ADAMTSL1: variants seen among roughly 807,000 people sequenced by gnomAD.
The protein encoded by ADAMTSL1 is ADAMTS like 1, also known as ADAMTS-like protein 1.
Under a neutral mutation model 201.8 loss-of-function variants are expected in ADAMTSL1, and 126 were observed. The observed-to-expected ratio is 0.62, with a 90% CI of 0.54 to 0.72. The LOEUF is 0.72. Among genes scored for constraint, ADAMTSL1 ranks in the 30% least tolerant of loss-of-function variants. ADAMTSL1 has a pLI of 0.00. For missense variants in ADAMTSL1, 2,679 were observed against 2,277.8 expected, an observed-to-expected ratio of 1.18 and a Z score of -3.59; for synonymous variants, 1,121 against 903.4, an observed-to-expected ratio of 1.24 and a Z score of -4.32.
At chr9:18,525,992 A>G (rs989543162) in intron 2 of ADAMTSL1, among the ~76,000 whole-genome samples, 10 of 152,102 alleles carry the variant, frequency 6.6e-5, no homozygotes, top group Non-Finnish European at 1.5e-5. Context: ...CAATTCCTGG[A>G]TAACCTTTTT....
intron 1 of ADAMTSL1, among the ~76,000 whole-genome samples, chr9:17,989,706 G>A (rs544840419): frequency 1.4e-4 from 21 of 151,872 alleles, no homozygotes; most frequent in African/African-American, 5.1e-4. Flanking sequence ...TGCCACTTTC[G>A]TAGGCAAAAT....
At chr9:18,024,774 C>G (rs1325876922) in intron 1 of ADAMTSL1, among the ~76,000 whole-genome samples, 1 of 151,990 alleles carries the variant, frequency 6.6e-6, no homozygotes, top group African/African-American at 2.4e-5. Flanking sequence ...TTCCTTTGGG[C>G]CTATACCCAG....
At chr9:18,014,717 G>A (rs1332619013) in intron 1 of ADAMTSL1, among the ~76,000 whole-genome samples, 3 of 152,004 alleles carry the variant, frequency 2.0e-5, no homozygotes, top group Non-Finnish European at 4.4e-5. Flanking sequence ...GCTTGCAGGG[G>A]AATTGCAGGG....
intron 1 of ADAMTSL1, among the ~76,000 whole-genome samples, chr9:18,070,783 T>C (rs1169569291): frequency 6.6e-6 from 1 of 152,132 alleles, no homozygotes; most frequent in Non-Finnish European, 1.5e-5. Flanking sequence ...GAGGATGGGA[T>C]GGTGTGGAGA....
rs184111543 is a variant in ADAMTSL1, at chr9:18,475,528, A to G, written c.63+1233A>G. On this transcript the variant is annotated intron_variant, in intron 1 of 28. Coordinates refer to ENST00000380548, the MANE Select transcript of ADAMTSL1 (RefSeq NM_001040272.6). Reference sequence around the variant, plus strand: ...ATGCTGCATTGCAAGTGCTATAAATATAGAAATAAATTTTTAATTTTTCAT... The same window carrying G: ...ATGCTGCATTGCAAGTGCTATAAATGTAGAAATAAATTTTTAATTTTTCAT... Among the ~76,000 whole-genome samples the G allele has an allele frequency of 8.2e-3, 1,247 of 152,366 alleles. 6 individuals carry two copies. Among genetic ancestry groups the G allele is most frequent in the Middle Eastern group, 0.024 (7 of 294 alleles).
At chr9:18,756,218 G>T (rs1819758335) in intron 16 of ADAMTSL1, among the ~76,000 whole-genome samples, 1 of 129,020 alleles carries the variant, frequency 7.8e-6, no homozygotes, top group Non-Finnish European at 1.6e-5. Context: ...GGCAGAGGTT[G>T]CAGTGAGCCG....
chr9:17,982,228 G>C (rs1638854185), intron 1 of ADAMTSL1, among the ~76,000 whole-genome samples: 1 of 152,156 alleles, frequency 6.6e-6, no homozygotes, highest in Admixed American at 6.5e-5. Flanking sequence ...ATAAAGCCAT[G>C]AAAATTTTAT....
intron 23 of ADAMTSL1, among the ~76,000 whole-genome samples, chr9:18,855,034 G>A (rs570531503): frequency 6.6e-6 from 1 of 152,120 alleles, no homozygotes; most frequent in African/African-American, 2.4e-5. Flanking sequence ...AGTGAATTAG[G>A]ATTGGGAACC....
intron 23 of ADAMTSL1, among the ~76,000 whole-genome samples, chr9:18,862,601 G>T (rs931303312): frequency 6.6e-6 from 1 of 152,170 alleles, no homozygotes; most frequent in African/African-American, 2.4e-5. Flanking sequence ...TCTAATCTTG[G>T]TGTGCGTGAT....
chr9:18,456,379 A>G (rs981838854), intron 2 of ADAMTSL1, among the ~76,000 whole-genome samples: 8 of 152,064 alleles, frequency 5.3e-5, no homozygotes, highest in African/African-American at 1.7e-4. Flanking sequence ...ACATTGCTGC[A>G]TACTTCCTCA....
intron 7 of ADAMTSL1, among the ~76,000 whole-genome samples, chr9:18,648,616 A>G (rs13285951): frequency 0.17 from 24,313 of 144,030 alleles, 2,095 homozygotes; most frequent in Middle Eastern, 0.22. Context: ...TTGCTTGTCT[A>G]TAAAGTATTT....
At chr9:17,968,379 T>C (rs1461761065) in intron 1 of ADAMTSL1, among the ~76,000 whole-genome samples, 2 of 152,244 alleles carry the variant, frequency 1.3e-5, no homozygotes, top group East Asian at 1.9e-4. Flanking sequence ...ATGAGAACAG[T>C]GTGCTGGCTA....
chr9:18,096,174 C>G (rs1824244004), intron 1 of ADAMTSL1, among the ~76,000 whole-genome samples: 1 of 152,132 alleles, frequency 6.6e-6, no homozygotes, highest in African/African-American at 2.4e-5. Flanking sequence ...GCATGTACTA[C>G]TTTTTTGGTC....
chr9:18,224,995 C>T (rs545601212), intron 2 of ADAMTSL1, among the ~76,000 whole-genome samples: 1 of 152,190 alleles, frequency 6.6e-6, no homozygotes, highest in South Asian at 2.1e-4. Flanking sequence ...CTAAATTTCT[C>T]ATCTTTTTAA....
chr9:18,017,777 T>A (rs1029377820), intron 1 of ADAMTSL1, among the ~76,000 whole-genome samples: 1 of 152,016 alleles, frequency 6.6e-6, no homozygotes, highest in Non-Finnish European at 1.5e-5. Flanking sequence ...GTGGTTCTGT[T>A]TCTTTCCCTG....
rs566143548 is a variant in ADAMTSL1 at position 18,655,537 on chromosome 9, C to G, written c.835-2102C>G. ...TTCTCCAAGTATTATGATGTTATATCCTCCTCACATTGGCTGTAAGAAGCT... is the reference window on the plus strand; with the variant it reads ...TTCTCCAAGTATTATGATGTTATATGCTCCTCACATTGGCTGTAAGAAGCT... On this transcript the variant is annotated intron_variant, in intron 7 of 28. Coordinates refer to ENST00000380548, the MANE Select transcript of ADAMTSL1 (RefSeq NM_001040272.6). Among the ~76,000 whole-genome samples, 3 of 152,120 alleles carry G rather than the reference C, an allele frequency of 2.0e-5. No individual in the cohort carries two copies. In the East Asian group the frequency reaches 5.8e-4, roughly 29 times the overall value.
At chr9:18,468,249 G>T (rs951229331) in intron 2 of ADAMTSL1, among the ~76,000 whole-genome samples, 1 of 152,104 alleles carries the variant, frequency 6.6e-6, no homozygotes, top group Non-Finnish European at 1.5e-5. Context: ...ATCAAGGACC[G>T]CAGGTTTGAG....
chr9:18,831,245 A>T (rs907519317), intron 23 of ADAMTSL1, among the ~76,000 whole-genome samples: 1 of 152,220 alleles, frequency 6.6e-6, no homozygotes, highest in African/African-American at 2.4e-5. Context: ...TTTGGCACTG[A>T]GTTTTTCTAT....
At chr9:18,510,982 C>T (rs1156651722) in intron 2 of ADAMTSL1, among the ~76,000 whole-genome samples, 1 of 152,156 alleles carries the variant, frequency 6.6e-6, no homozygotes, top group Non-Finnish European at 1.5e-5. Context: ...GGTTTATCTT[C>T]AGCCAGCTAA....
Sources: allele counts gnomAD v4.1 joint callset (sites outside exome capture counted in the v4.1 genomes callset), GRCh38; gene constraint gnomAD v4.1.1; transcripts MANE v1.5; gene names NCBI Gene and HGNC (gene_info 2026-07-23, HGNC 2026-07-21).